Variants in DLEC1 observed in about 807,000 individuals in gnomAD.
DLEC1 encodes deleted in lung and esophageal cancer protein 1.
In DLEC1, 146 loss-of-function variants were observed where a neutral mutation model predicts 198.1. The observed-to-expected ratio is 0.74, with a 90% CI of 0.64 to 0.85. DLEC1 has a LOEUF of 0.85. DLEC1 is among the 40% of genes least tolerant of loss of function. The pLI is 0.00. For missense variants in DLEC1, 2,233 were observed against 2,220.0 expected (o/e 1.01, Z -0.12); for synonymous variants, 897 against 866.8 (o/e 1.03, Z -0.61).
chr3:38,117,737 C>G lies in DLEC1; in HGVS notation c.4486-69C>G. On this transcript the variant is annotated intron_variant, in intron 32 of 36. Coordinates refer to ENST00000308059, the MANE Select transcript of DLEC1 (RefSeq NM_007335.4). ...CCCTCCCCCAGCCCTCCCAGCCCTA[C>G]CCTAGAGCCATGGGGTTGAAGAGAG... 7.0e-6 allele frequency: 7 copies of G among 995,156 alleles called. 1 individual carries two copies. In the South Asian group the frequency reaches 8.9e-5, roughly 13 times the overall value. 61.6% of individuals were successfully genotyped at this position (995,156 alleles called of 1,614,324 possible). A position where few individuals can be genotyped will look rare whatever the true frequency, so the allele number is the denominator to read the frequency against.
In DLEC1 at chr3:38,096,004, G is replaced by A. The variant is rs143192293; in HGVS notation, c.2171+58G>A. The A allele has an allele frequency of 1.9e-3, 3,026 of 1,598,138 alleles. 24 individuals carry two copies. In the African/African-American group the frequency reaches 0.022, roughly 11 times the overall value. Reference sequence around the variant, plus strand: ...GCAGCTGGGCCTTCCCCCACCTTGGGGGTTCTCCTGGGGAAGGTATCAGGT... The same window carrying A: ...GCAGCTGGGCCTTCCCCCACCTTGGAGGTTCTCCTGGGGAAGGTATCAGGT... On this transcript the variant is annotated intron_variant, in intron 14 of 36. Transcript: ENST00000308059.
At chr3:38,067,318 A>G (rs1697078148) in intron 6 of DLEC1, among the ~76,000 whole-genome samples, 1 of 152,258 alleles carries the variant, frequency 6.6e-6, no homozygotes, top group Non-Finnish European at 1.5e-5. Context: ...GAAATGAGGA[A>G]ACCAATGAAG....
intron 11 of DLEC1, among the ~76,000 whole-genome samples, chr3:38,093,303 C>T (rs1255918224): frequency 6.6e-6 from 1 of 151,582 alleles, no homozygotes; most frequent in Non-Finnish European, 1.5e-5. Flanking sequence ...CTCTCTTCCT[C>T]CCTCCCTCCT....
chr3:38,117,978 C>G lies in DLEC1; in HGVS notation c.4658C>G (p.Ala1553Gly), dbSNP rs780941716. 1.2e-6 allele frequency: 2 copies of G among 1,613,334 alleles called. No homozygotes were observed. The highest frequency in any genetic ancestry group is 3.3e-5 in the Admixed American group (2 of 59,882). ...GQKQECEEETASADKQLVLQA... is the reference protein window; with the variant it reads ...GQKQECEEETGSADKQLVLQA... ...AAGCAGGAGTGTGAGGAGGAGACAG[C>G]CTCAGCGGACAAGCAGCTGGTGCTC... Residue 1553 changes from alanine to glycine, a missense_variant, in exon 33 of 37, where the codon GCC becomes GGC. Transcript: ENST00000308059.
At chr3:38,110,310 G>T (rs755300719) in intron 23 of DLEC1, 29 bp downstream of exon 23, 2 of 1,612,678 alleles carry the variant, frequency 1.2e-6, no homozygotes, top group South Asian at 2.2e-5. Flanking sequence ...ACTTCCCAGG[G>T]CAGATGAAGC....
chr3:38,092,487 T>C (rs943025498), intron 10 of DLEC1, among the ~76,000 whole-genome samples: 3 of 152,202 alleles, frequency 2.0e-5, no homozygotes, highest in Non-Finnish European at 4.4e-5. Context: ...TTCTTCTGGA[T>C]GGTTTTCATT....
intron 2 of DLEC1, among the ~76,000 whole-genome samples, chr3:38,054,831 A>G (rs557245332): frequency 1.3e-5 from 2 of 152,344 alleles, no homozygotes; most frequent in African/African-American, 4.8e-5. Context: ...CCAAGCACAT[A>G]TGGGAAAAGC....
intron 2 of DLEC1, among the ~76,000 whole-genome samples, chr3:38,047,303 A>G (rs1700926418): frequency 6.6e-6 from 1 of 152,232 alleles, no homozygotes; most frequent in Non-Finnish European, 1.5e-5. Flanking sequence ...TTTATTAATT[A>G]TGGTATATCC....
chr3:38,117,431 C>G (rs1254988028), intron 31 of DLEC1, 96 bp from the exon 32 acceptor site: 1 of 1,600,484 alleles, frequency 6.2e-7, no homozygotes, highest in Admixed American at 1.7e-5. Context: ...CAGAGGAGCC[C>G]AGGGAAAGGC....
Position 38,059,858 on chromosome 3 carries a change from G to T in DLEC1, c.673+6G>T, listed in dbSNP as rs759486330. ...GTTTCACTCTGCACCTAAAGGTAAT[G>T]CTTCTGTGCTCTCAAGGCCTCTGAT... is the stretch of plus-strand genomic sequence containing the variant. On this transcript the variant is annotated splice_donor_region_variant and intron_variant, in intron 3 of 36. Transcript: ENST00000308059. The T allele has an allele frequency of 4.3e-6, 7 of 1,612,636 alleles. No individual in the cohort carries two copies. In the African/African-American group the frequency reaches 9.3e-5, roughly 22 times the overall value.
intron 2 of DLEC1, among the ~76,000 whole-genome samples, chr3:38,051,246 A>AGTTTG (rs1445609596): frequency 5.9e-5 from 9 of 152,356 alleles, no homozygotes; most frequent in Admixed American, 3.9e-4. Context: ...CAAACAACAA[A>AGTTTG]GTTTGAAAAC....
chr3:38,059,618 A>G, intron 2 of DLEC1, 124 bp from the exon 3 acceptor site: 1 of 768,852 alleles, frequency 1.3e-6, no homozygotes, highest in Non-Finnish European at 2.1e-6. Flanking sequence ...CAACATTCCC[A>G]CAGGTTTCTG....
intron 33 of DLEC1, 45 bp downstream of exon 33, chr3:38,118,069 A>T (rs1446285316): frequency 1.3e-6 from 2 of 1,548,096 alleles, no homozygotes; most frequent in Admixed American, 3.9e-5. Context: ...GCACACCCTC[A>T]CATGTGTACA....
Position 38,117,601 on chromosome 3 carries a change from C to T in DLEC1, c.4475C>T (p.Pro1492Leu), listed in dbSNP as rs761341598. 1.7e-5 allele frequency: 27 copies of T among 1,614,020 alleles called. 1 individual carries two copies. In the Middle Eastern group the frequency reaches 3.6e-3, roughly 216 times the overall value. Residue 1492 changes from proline to leucine, a missense_variant, in exon 32 of 37, where the codon CCC becomes CTC. Transcript: ENST00000308059. The part of the protein sequence containing the change: ...CQASDLIPEQ[P>L]CSGVLSELVT... Reference sequence around the variant, plus strand: ...GCCAGTGACCTCATTCCCGAGCAGCCCTGCTCTGGGGTGAGTGTGCTGCCA... The same window carrying T: ...GCCAGTGACCTCATTCCCGAGCAGCTCTGCTCTGGGGTGAGTGTGCTGCCA...
Position 38,092,781 on chromosome 3 carries a change from C to G in DLEC1, c.1666-9C>G. 5 of 1,613,854 alleles carry G rather than the reference C, an allele frequency of 3.1e-6. No homozygotes were observed. Among genetic ancestry groups the G allele is most frequent in the Non-Finnish European group, 2.5e-6 (3 of 1,179,824 alleles). On this transcript the variant is annotated splice_polypyrimidine_tract_variant and intron_variant, in intron 10 of 36. Transcript: ENST00000308059. ...TGGGAGGTAACGGAACAACCCTTCT[C>G]TCCCCCAGGTCTTGTTTTCCCCAAA...
At chr3:38,046,172 C>A (rs1700877059) in intron 2 of DLEC1, among the ~76,000 whole-genome samples, 1 of 152,140 alleles carries the variant, frequency 6.6e-6, no homozygotes. Flanking sequence ...AAGAGTAGTA[C>A]CAGTCTGAGA....
intron 6 of DLEC1, among the ~76,000 whole-genome samples, chr3:38,074,181 T>C (rs1029516851): frequency 3.9e-5 from 6 of 152,212 alleles, no homozygotes; most frequent in Non-Finnish European, 4.4e-5. Context: ...CTTAGGCATT[T>C]TGAAGTTCTT....
Position 38,072,486 on chromosome 3 carries a change from A to G in DLEC1, c.1173+8567A>G, listed in dbSNP as rs530866648. Among the ~76,000 whole-genome samples the G allele has an allele frequency of 3.6e-3, 544 of 152,314 alleles. 2 individuals are homozygous for G. Among genetic ancestry groups the G allele is most frequent in the Non-Finnish European group, 5.4e-3 (365 of 68,030 alleles). On this transcript the variant is annotated intron_variant, in intron 6 of 36. Transcript: ENST00000308059. ...AAGAATTCTGACTGCACAGCCCTGC[A>G]CTTCGGCTGTGTGTAATGAAAAGAG...
intron 22 of DLEC1, 120 bp from the exon 23 acceptor site, chr3:38,109,979 A>G: frequency 8.8e-7 from 1 of 1,135,918 alleles, no homozygotes; most frequent in Non-Finnish European, 1.2e-6. Flanking sequence ...ATGAAACAGG[A>G]GTCTGAGGAT....
Sources: allele counts gnomAD v4.1 joint callset (sites outside exome capture counted in the v4.1 genomes callset), GRCh38; gene constraint gnomAD v4.1.1; transcripts MANE v1.5; gene names NCBI Gene and HGNC (gene_info 2026-07-23, HGNC 2026-07-21).